SUGCT: variants seen among roughly 807,000 people sequenced by gnomAD.
SUGCT encodes succinyl-CoA:glutarate-CoA transferase.
In SUGCT, 41 loss-of-function variants were observed where a neutral mutation model predicts 55.0. The observed-to-expected ratio is 0.74, with a 90% confidence interval of 0.58 to 0.97. The LOEUF (loss-of-function observed/expected upper bound fraction) is 0.97, where lower values mean the gene tolerates loss of function less well. SUGCT is among the 50% of genes least tolerant of loss of function. The probability of loss-of-function intolerance (pLI) is 0.00; values close to 1 mark genes in which losing one functional copy is unlikely to be tolerated. For missense variants in SUGCT, 568 were observed against 547.8 expected, an observed-to-expected ratio of 1.04 and a Z score of -0.37; for synonymous variants, 187 against 200.4, an observed-to-expected ratio of 0.93 and a Z score of 0.56.
chr7:40,486,550 T>G (rs1397264580), intron 11 of SUGCT, among the ~76,000 whole-genome samples: 1 of 152,080 alleles, frequency 6.6e-6, no homozygotes, highest in Non-Finnish European at 1.5e-5. Context: ...TTCCATGAGG[T>G]GCATGATTAG....
intron 9 of SUGCT, among the ~76,000 whole-genome samples, chr7:40,372,942 A>G (rs1277673831): frequency 6.6e-6 from 1 of 152,046 alleles, no homozygotes; most frequent in Non-Finnish European, 1.5e-5. Context: ...AGGAAATTGT[A>G]AGACAAATAT....
At chr7:40,227,265 T>C (rs1363822054) in intron 6 of SUGCT, among the ~76,000 whole-genome samples, 1 of 151,976 alleles carries the variant, frequency 6.6e-6, no homozygotes, top group East Asian at 1.9e-4. Context: ...GCCAGGCTGG[T>C]CTGGAACTCC....
At chr7:40,279,401 G>A (rs922617759) in intron 8 of SUGCT, among the ~76,000 whole-genome samples, 10 of 152,120 alleles carry the variant, frequency 6.6e-5, no homozygotes, top group Non-Finnish European at 8.8e-5. Flanking sequence ...GGGGACAGGT[G>A]ATTCCTCCAA....
intron 8 of SUGCT, among the ~76,000 whole-genome samples, chr7:40,310,758 T>G (rs1280970364): frequency 6.6e-6 from 1 of 152,246 alleles, no homozygotes; most frequent in Admixed American, 6.5e-5. Flanking sequence ...TATTGTTATA[T>G]ACAGATGTCA....
the SUGCT span, among the ~76,000 whole-genome samples, chr7:41,008,208 G>C: frequency 9.2e-5 from 14 of 152,338 alleles, no homozygotes; most frequent in East Asian, 2.7e-3. Context: ...CCTGGGCACT[G>C]TTCTGATTCT....
At position 40,449,167 on chromosome 7, in the gene SUGCT, C is replaced by T. The variant is rs146633472; in HGVS notation, c.817-120C>T. 8.8e-3 allele frequency: 5,518 copies of T among 625,412 alleles called. 43 individuals are homozygous for T. Among genetic ancestry groups the T allele is most frequent in the Middle Eastern group, 0.028 (65 of 2,306 alleles). 38.7% of individuals were successfully genotyped at this position (625,412 alleles called of 1,614,324 possible). A position where few individuals can be genotyped will look rare whatever the true frequency, so the allele number is the denominator to read the frequency against. On this transcript the variant is annotated intron_variant, in intron 9 of 13. Coordinates refer to ENST00000335693, the MANE Select transcript of SUGCT (RefSeq NM_001193313.2). ...ATATATGAAAAAGATACAAATTAAT[C>T]GATATTGAATTAATAACATTGCTTT...
At chr7:40,507,878 TTGA>T (rs1190904706) in intron 12 of SUGCT, among the ~76,000 whole-genome samples, 1 of 152,238 alleles carries the variant, frequency 6.6e-6, no homozygotes, top group Admixed American at 6.5e-5. Flanking sequence ...AGGGCTCATC[TTGA>T]TTGTCTCTTT....
chr7:40,357,058 A>T (rs1411724328), intron 9 of SUGCT, among the ~76,000 whole-genome samples: 1 of 152,198 alleles, frequency 6.6e-6, no homozygotes, highest in Non-Finnish European at 1.5e-5. Context: ...ATGACTCATC[A>T]CTGGTAAATG....
At chr7:40,742,050 G>A (rs892043618) in intron 12 of SUGCT, among the ~76,000 whole-genome samples, 1 of 152,050 alleles carries the variant, frequency 6.6e-6, no homozygotes, top group African/African-American at 2.4e-5. Flanking sequence ...TGGTGCATGG[G>A]TGTTCATTTT....
At chr7:40,449,865 G>A (rs1302179351) in intron 10 of SUGCT, among the ~76,000 whole-genome samples, 2 of 151,872 alleles carry the variant, frequency 1.3e-5, no homozygotes, top group African/African-American at 2.4e-5. Flanking sequence ...ATGTTTCAAG[G>A]TTTTAGGAAT....
chr7:40,668,106 T>A (rs1217964574), intron 12 of SUGCT, among the ~76,000 whole-genome samples: 1 of 152,212 alleles, frequency 6.6e-6, no homozygotes, highest in African/African-American at 2.4e-5. Flanking sequence ...TTGAGTTAAT[T>A]TGCATTTGTC....
At chr7:40,929,076 T>C in the SUGCT span, among the ~76,000 whole-genome samples, 4 of 152,236 alleles carry the variant, frequency 2.6e-5, no homozygotes, top group South Asian at 6.2e-4. Context: ...AATGCTATCC[T>C]TCCCCCAGCC....
the SUGCT span, among the ~76,000 whole-genome samples, chr7:41,029,450 A>C: frequency 6.6e-6 from 1 of 152,140 alleles, no homozygotes; most frequent in Non-Finnish European, 1.5e-5. Context: ...GGTCAGGCAC[A>C]TGACTGGATG....
At chr7:40,735,034 G>A (rs1196901823) in intron 12 of SUGCT, among the ~76,000 whole-genome samples, 1 of 152,206 alleles carries the variant, frequency 6.6e-6, no homozygotes, top group Non-Finnish European at 1.5e-5. Flanking sequence ...GAATGAAGGA[G>A]TTATTTGGTT....
At chr7:40,671,349 C>T (rs1801930914) in intron 12 of SUGCT, among the ~76,000 whole-genome samples, 1 of 152,132 alleles carries the variant, frequency 6.6e-6, no homozygotes, top group Non-Finnish European at 1.5e-5. Flanking sequence ...ACTTTGTCAA[C>T]TTGAAAAAGA....
intron 6 of SUGCT, among the ~76,000 whole-genome samples, 162 bp downstream of exon 6, chr7:40,195,222 C>CTTTT (rs11326653): frequency 9.9e-6 from 1 of 101,300 alleles, no homozygotes; most frequent in Non-Finnish European, 1.9e-5. Context: ...TTTCTTTTTT[C>CTTTT]TTTTTTTTTT....
At chr7:40,595,105 A>G (rs1030479168) in intron 12 of SUGCT, among the ~76,000 whole-genome samples, 1 of 152,198 alleles carries the variant, frequency 6.6e-6, no homozygotes, top group Non-Finnish European at 1.5e-5. Flanking sequence ...AAAAAATTTA[A>G]AAATTACCCT....
chr7:40,340,995 A>G (rs1175056533), intron 9 of SUGCT, among the ~76,000 whole-genome samples: 1 of 152,228 alleles, frequency 6.6e-6, no homozygotes, highest in Non-Finnish European at 1.5e-5. Flanking sequence ...CCTGATGGAT[A>G]TAAGTAAATT....
chr7:40,314,428 AT>A (rs1795316178), intron 8 of SUGCT, among the ~76,000 whole-genome samples: 1 of 152,162 alleles, frequency 6.6e-6, no homozygotes, highest in Admixed American at 6.5e-5. Flanking sequence ...GCCATGATTT[AT>A]TTGAATGAAA....
Sources: gnomAD v4.1 joint callset for allele counts (sites outside exome capture counted in the v4.1 genomes callset) on GRCh38, gnomAD v4.1.1 for gene constraint, MANE v1.5 for transcripts, NCBI Gene and HGNC (gene_info 2026-07-23, HGNC 2026-07-21) for gene names.